The following MOB3B variants were observed in gnomAD, a reference collection of about 807,000 sequenced individuals.
MOB3B encodes the protein MOB kinase activator-like 2B.
MOB3B carries 7 observed loss-of-function variants against 18.7 expected under a neutral mutation model. The ratio of observed to expected loss-of-function variants is 0.37; its 90% confidence interval spans 0.21 to 0.70. The LOEUF (loss-of-function observed/expected upper bound fraction) is 0.70. MOB3B is among the 30% of genes least tolerant of loss of function. The pLI is 0.52. For missense variants in MOB3B, 253 were observed against 281.3 expected (o/e 0.90, Z 0.72); for synonymous variants, 111 against 99.9 (o/e 1.11, Z -0.66).
chr9:27,482,900 C>A (rs555201240), intron 1 of MOB3B, among the ~76,000 whole-genome samples: 4 of 152,206 alleles, frequency 2.6e-5, no homozygotes, highest in African/African-American at 9.6e-5. Context: ...GAAATGAAGC[C>A]AGGATAAGGA....
intron 2 of MOB3B, among the ~76,000 whole-genome samples, chr9:27,444,271 G>GAAA (rs1822653244): frequency 8.0e-6 from 1 of 124,340 alleles, no homozygotes; most frequent in Non-Finnish European, 1.7e-5. Flanking sequence ...AAGGAAGGAG[G>GAAA]GAGGGAGGGA....
intron 1 of MOB3B, among the ~76,000 whole-genome samples, chr9:27,464,966 G>C (rs1184940939): frequency 3.3e-5 from 5 of 152,098 alleles, no homozygotes; most frequent in Non-Finnish European, 5.9e-5. Flanking sequence ...GTTGAGATTT[G>C]GGTGGGGACA....
intron 1 of MOB3B, among the ~76,000 whole-genome samples, chr9:27,520,017 C>G (rs1820299262): frequency 6.6e-6 from 1 of 152,110 alleles, no homozygotes; most frequent in Admixed American, 6.5e-5. Context: ...CTCTACTGGG[C>G]TCAATCGCCT....
At chr9:27,334,557 T>C (rs1294022684) in intron 3 of MOB3B, among the ~76,000 whole-genome samples, 1 of 152,244 alleles carries the variant, frequency 6.6e-6, no homozygotes, top group Non-Finnish European at 1.5e-5. Flanking sequence ...AAATCTTCTT[T>C]ATGTACTTGT....
At chr9:27,413,809 A>G (rs1024355838) in intron 2 of MOB3B, among the ~76,000 whole-genome samples, 7 of 152,208 alleles carry the variant, frequency 4.6e-5, no homozygotes, top group African/African-American at 1.2e-4. Context: ...TCTCAGCACA[A>G]CTGTGAGCCA....
At chr9:27,403,571 T>C (rs1821918991) in intron 2 of MOB3B, among the ~76,000 whole-genome samples, 1 of 130,912 alleles carries the variant, frequency 7.6e-6, no homozygotes, top group Non-Finnish European at 1.6e-5. Flanking sequence ...CTTACCCTGC[T>C]GCCCAGGCTA....
chr9:27,425,848 T>G (rs1200907202), intron 2 of MOB3B, among the ~76,000 whole-genome samples: 5 of 152,184 alleles, frequency 3.3e-5, no homozygotes, highest in Non-Finnish European at 7.3e-5. Context: ...AAGCTTACAT[T>G]CTACCATCTT....
At chr9:27,492,809 G>A (rs537623215) in intron 1 of MOB3B, among the ~76,000 whole-genome samples, 59 of 152,324 alleles carry the variant, frequency 3.9e-4, no homozygotes, top group African/African-American at 1.3e-3. Flanking sequence ...GTCTGTGTGG[G>A]TACTGCAGGG....
At chr9:27,363,976 C>T (rs1360391640) in intron 2 of MOB3B, among the ~76,000 whole-genome samples, 1 of 152,088 alleles carries the variant, frequency 6.6e-6, no homozygotes, top group Non-Finnish European at 1.5e-5. Flanking sequence ...AGCTCCTGGG[C>T]TCAAGCGATC....
intron 2 of MOB3B, among the ~76,000 whole-genome samples, chr9:27,372,550 G>A (rs968464404): frequency 6.6e-6 from 1 of 152,138 alleles, no homozygotes; most frequent in African/African-American, 2.4e-5. Context: ...AGTGATCAAG[G>A]TTAACATCAA....
chr9:27,426,245 A>C (rs1294379208), intron 2 of MOB3B, among the ~76,000 whole-genome samples: 1 of 152,180 alleles, frequency 6.6e-6, no homozygotes, highest in East Asian at 1.9e-4. Flanking sequence ...AACTTGGTAT[A>C]AATAAAGTCA....
At chr9:27,375,955 G>A (rs1481401719) in intron 2 of MOB3B, among the ~76,000 whole-genome samples, 1 of 152,140 alleles carries the variant, frequency 6.6e-6, no homozygotes, top group Non-Finnish European at 1.5e-5. Context: ...AATCATAAAA[G>A]TAATATTGTT....
chr9:27,408,424 G>A lies in MOB3B; in HGVS notation c.418+46709C>T, dbSNP rs546415077. Among the ~76,000 whole-genome samples the A allele has an allele frequency of 2.0e-5, 3 of 152,280 alleles. No homozygotes were observed. The South Asian group carries it at 6.2e-4, about 32-fold the overall frequency. On this transcript the variant is annotated intron_variant, in intron 2 of 3. Coordinates refer to ENST00000262244, the MANE Select transcript of MOB3B (RefSeq NM_024761.5). ...ATATTTCTGCACTGAGATGGGGCAC[G>A]TATTTTCTACCAACATGTGAGCAAA... is the stretch of plus-strand genomic sequence containing the variant.
chr9:27,349,649 T>G (rs758086863), intron 3 of MOB3B, among the ~76,000 whole-genome samples: 17 of 152,106 alleles, frequency 1.1e-4, no homozygotes, highest in Non-Finnish European at 2.4e-4. Context: ...ATTAAAAAAA[T>G]AAAAAAGTAC....
chr9:27,435,653 G>A lies in MOB3B; in HGVS notation c.418+19480C>T, dbSNP rs148228864. Among the ~76,000 whole-genome samples the A allele has an allele frequency of 3.9e-3, 587 of 152,206 alleles. 2 individuals are homozygous for A. The highest frequency in any genetic ancestry group is 0.013 in the African/African-American group (557 of 41,526). On this transcript the variant is annotated intron_variant, in intron 2 of 3. Coordinates refer to ENST00000262244, the MANE Select transcript of MOB3B (RefSeq NM_024761.5). ...TCACTCTTATCTCCCAGGCTGGAGT[G>A]CAGTGGCGCTATCTCTACTCACTGC... is the stretch of plus-strand genomic sequence containing the variant.
chr9:27,520,837 G>C (rs537461097), intron 1 of MOB3B, among the ~76,000 whole-genome samples: 7 of 152,224 alleles, frequency 4.6e-5, no homozygotes, highest in African/African-American at 1.2e-4. Context: ...TGGTGGATAG[G>C]GTTGTCAGAT....
chr9:27,380,824 T>C (rs1325125971), intron 2 of MOB3B, among the ~76,000 whole-genome samples: 2 of 151,964 alleles, frequency 1.3e-5, no homozygotes, highest in African/African-American at 2.4e-5. Context: ...AGTTAAAACT[T>C]ATAAAAGGGA....
chr9:27,447,522 A>C (rs1359960833), intron 2 of MOB3B, among the ~76,000 whole-genome samples: 1 of 152,170 alleles, frequency 6.6e-6, no homozygotes, highest in East Asian at 1.9e-4. Context: ...CCTGAGATAC[A>C]GCCCATTAAA....
chr9:27,525,967 A>C (rs1361097004), intron 1 of MOB3B: 1 of 151,872 alleles, frequency 6.6e-6, no homozygotes, highest in Non-Finnish European at 1.5e-5. Flanking sequence ...GCTGACATGG[A>C]TTTTCTCTTC....
Sources: gnomAD v4.1 joint callset for allele counts (sites outside exome capture counted in the v4.1 genomes callset) on GRCh38, gnomAD v4.1.1 for gene constraint, MANE v1.5 for transcripts, NCBI Gene and HGNC (gene_info 2026-07-23, HGNC 2026-07-21) for gene names.